The following CEP350 variants were observed in gnomAD, a reference collection of about 807,000 sequenced individuals.
CEP350 encodes the protein centrosome-associated protein 350.
In CEP350, 126 loss-of-function variants were observed where a neutral mutation model predicts 331.8. The ratio of observed to expected loss-of-function variants is 0.38; its 90% confidence interval spans 0.33 to 0.44. The LOEUF (loss-of-function observed/expected upper bound fraction) is 0.44, where lower values mean the gene tolerates loss of function less well. CEP350 is among the 20% of genes least tolerant of loss of function. CEP350 has a pLI of 1.00. For missense variants in CEP350, 3,406 were observed against 3,634.6 expected (o/e 0.94, Z 1.62); for synonymous variants, 1,200 against 1,259.5 (o/e 0.95, Z 1.00).
chr1:180,048,642 G>C lies in CEP350; in HGVS notation c.4729G>C (p.Val1577Leu). 6.2e-7 allele frequency: 1 copy of C among 1,612,336 alleles called. No individual in the cohort carries two copies. Among genetic ancestry groups the C allele is most frequent in the Non-Finnish European group, 8.5e-7 (1 of 1,178,554 alleles). Residue 1577 changes from valine to leucine, a missense_variant, in exon 22 of 38, where the codon GTT becomes CTT. Physicochemically the swap from Val to Leu is conservative, Grantham distance 32. Coordinates refer to ENST00000367607, the MANE Select transcript of CEP350 (RefSeq NM_014810.5). ...EKIESSIDEQ[V>L]QTAADDSLRS... Reference sequence around the variant, plus strand: ...GATAGAGAGTTCCATTGATGAACAGGTTCAGACTGCTGCAGATGATTCTCT... The same window carrying C: ...GATAGAGAGTTCCATTGATGAACAGCTTCAGACTGCTGCAGATGATTCTCT...
intron 5 of CEP350, among the ~76,000 whole-genome samples, chr1:179,993,550 C>T (rs1211344663): frequency 1.3e-5 from 2 of 152,048 alleles, no homozygotes; most frequent in Non-Finnish European, 2.9e-5. Flanking sequence ...AGCTTCCTAG[C>T]TGAGGCTTAC....
chr1:180,057,398 G>A (rs1220778475), intron 25 of CEP350, among the ~76,000 whole-genome samples: 1 of 151,966 alleles, frequency 6.6e-6, no homozygotes, highest in Non-Finnish European at 1.5e-5. Flanking sequence ...ACCGTGCCTG[G>A]CCTACTTTTC....
chr1:180,057,162 G>A (rs1558131533), intron 25 of CEP350, among the ~76,000 whole-genome samples: 1 of 149,668 alleles, frequency 6.7e-6, no homozygotes, highest in Non-Finnish European at 1.5e-5. Context: ...GCAATGGCGC[G>A]ATCTTGGCTC....
rs147963738 is a variant in CEP350, at chr1:180,071,316, G to A, written c.5568-3706G>A. Among the ~76,000 whole-genome samples the A allele has an allele frequency of 2.0e-3, 291 of 147,838 alleles. 1 individual carries two copies. Among genetic ancestry groups the A allele is most frequent in the Non-Finnish European group, 4.0e-3 (267 of 67,078 alleles). On this transcript the variant is annotated intron_variant, in intron 27 of 37. Transcript: ENST00000367607. ...CTACTAAAAATCCAAAAAATTAGCC[G>A]GGCGTGGTGATGCGCGCCTGTAATC...
At chr1:180,091,794 A>G (rs539142378) in intron 33 of CEP350, among the ~76,000 whole-genome samples, 4 of 151,800 alleles carry the variant, frequency 2.6e-5, no homozygotes, top group South Asian at 4.2e-4. Flanking sequence ...CAGCCACTGC[A>G]CTCCAGCTTG....
rs114700810 is a variant in CEP350, at chr1:180,061,923, G to A, written c.5263-297G>A. ...AGCTATTAAACTAGTAAGTGTAAAC[G>A]TTGAGTAGCATTATGGAAAAATGTA... On this transcript the variant is annotated intron_variant, in intron 25 of 37. Coordinates refer to ENST00000367607, the MANE Select transcript of CEP350 (RefSeq NM_014810.5). 6.7e-3 allele frequency among the ~76,000 whole-genome samples: 1,014 copies of A among 152,156 alleles called. 3 individuals carry two copies. The highest frequency in any genetic ancestry group is 8.1e-3 in the South Asian group (39 of 4,828).
intron 1 of CEP350, among the ~76,000 whole-genome samples, chr1:179,967,969 T>C (rs1025230117): frequency 1.4e-4 from 22 of 152,200 alleles, no homozygotes; most frequent in African/African-American, 5.3e-4. Context: ...TTATCAATGG[T>C]ACTGTCATTT....
chr1:180,086,640 G>T (rs558026638), intron 31 of CEP350, among the ~76,000 whole-genome samples: 33 of 152,138 alleles, frequency 2.2e-4, no homozygotes, highest in African/African-American at 7.7e-4. Context: ...ACTCATATAT[G>T]TATAGCTTTC....
intron 21 of CEP350, among the ~76,000 whole-genome samples, chr1:180,044,655 C>A (rs1364162972): frequency 1.7e-5 from 2 of 120,180 alleles, no homozygotes; most frequent in African/African-American, 6.6e-5. Context: ...GGAAGGGAAA[C>A]ATCACACTCC....
intron 1 of CEP350, among the ~76,000 whole-genome samples, chr1:179,958,113 A>G (rs1650313391): frequency 6.6e-6 from 1 of 152,216 alleles, no homozygotes; most frequent in Admixed American, 6.5e-5. Context: ...CATAATTGTG[A>G]TCAACTTGGC....
At chr1:179,978,650 C>T (rs1393174502) in intron 1 of CEP350, among the ~76,000 whole-genome samples, 1 of 152,064 alleles carries the variant, frequency 6.6e-6, no homozygotes, top group Non-Finnish European at 1.5e-5. Flanking sequence ...CTTTCTGTTC[C>T]TGGCTTATTG....
chr1:180,030,349 AAT>A (rs984701139), intron 14 of CEP350, among the ~76,000 whole-genome samples: 10 of 147,940 alleles, frequency 6.8e-5, no homozygotes, highest in African/African-American at 2.5e-4. Context: ...ATATAAACAT[AAT>A]ATATATATAA....
chr1:180,017,092 T>C (rs770736137), intron 11 of CEP350, among the ~76,000 whole-genome samples: 21 of 152,214 alleles, frequency 1.4e-4, no homozygotes, highest in Admixed American at 5.9e-4. Flanking sequence ...TACTTAATCC[T>C]TGTAATTCCT....
Position 179,955,149 on chromosome 1 carries a change from T to C in CEP350, c.-14+7T>C. The C allele has an allele frequency of 6.9e-7, 1 of 1,447,998 alleles. No individual in the cohort carries two copies. Among genetic ancestry groups the C allele is most frequent in the Non-Finnish European group, 9.1e-7 (1 of 1,098,034 alleles). The allele number at this position is 1,447,998 out of a possible 1,614,324, so 89.7% of individuals were successfully genotyped here. ...GCGGAGGCGACACTCTCAGGTGAGC[T>C]CCTGTAGGACCTGGCTGGGACCGCG... On this transcript the variant is annotated splice_region_variant and intron_variant, in intron 1 of 37. Transcript: ENST00000367607.
intron 1 of CEP350, among the ~76,000 whole-genome samples, chr1:179,976,300 G>C (rs559064111): frequency 6.6e-6 from 1 of 151,982 alleles, no homozygotes. Context: ...TTAGTTGAAG[G>C]ACTGTTCATA....
At chr1:180,049,374 G>A (rs935021684) in intron 22 of CEP350, among the ~76,000 whole-genome samples, 3 of 152,132 alleles carry the variant, frequency 2.0e-5, no homozygotes, top group Non-Finnish European at 4.4e-5. Flanking sequence ...TAATTGTCAA[G>A]TGACTATTTT....
intron 34 of CEP350, chr1:180,095,081 G>A (rs1660407099): frequency 5.9e-6 from 1 of 170,784 alleles, no homozygotes; most frequent in African/African-American, 2.4e-5. Context: ...GTTGATTCTG[G>A]TAAAATGAAA....
intron 37 of CEP350, among the ~76,000 whole-genome samples, chr1:180,103,408 G>A (rs1366725624): frequency 2.0e-5 from 3 of 152,030 alleles, no homozygotes; most frequent in Admixed American, 1.3e-4. Context: ...ATCATTTGGG[G>A]ACTGCTTTTC....
At chr1:180,042,885 TGTTGAGACTTA>T (rs1317411326) in intron 19 of CEP350, among the ~76,000 whole-genome samples, 160 bp from the exon 20 acceptor site, 1 of 152,244 alleles carries the variant, frequency 6.6e-6, no homozygotes, top group Non-Finnish European at 1.5e-5. Flanking sequence ...AAGATGAAGC[TGTTGAGACTTA>T]AAGAGGCTAA....
Sources: allele counts gnomAD v4.1 joint callset (sites outside exome capture counted in the v4.1 genomes callset), GRCh38; gene constraint gnomAD v4.1.1; transcripts MANE v1.5; gene names NCBI Gene and HGNC (gene_info 2026-07-23, HGNC 2026-07-21).